Variants in RNF139 observed in about 807,000 individuals in gnomAD.
RNF139 encodes ring finger protein 139.
Under a neutral mutation model 49.5 loss-of-function variants are expected in RNF139, and 15 were observed. The ratio of observed to expected loss-of-function variants is 0.30; its 90% CI spans 0.20 to 0.47. The LOEUF is 0.47. Ranked by LOEUF, RNF139 falls within the 20% of genes least tolerant of loss-of-function variation. The probability of loss-of-function intolerance (pLI) is 1.00; values close to 1 mark genes in which losing one functional copy is unlikely to be tolerated. For missense variants in RNF139, 619 were observed against 806.3 expected (o/e 0.77, Z 2.81); for synonymous variants, 325 against 300.9 (o/e 1.08, Z -0.83).
intron 1 of RNF139, among the ~76,000 whole-genome samples, chr8:124,481,999 C>T (rs1816420294): frequency 1.3e-5 from 2 of 152,062 alleles, no homozygotes; most frequent in Non-Finnish European, 2.9e-5. Flanking sequence ...ACCCCATATA[C>T]CTACAAACTT....
chr8:124,485,601 G>C (rs1465161732), intron 1 of RNF139, among the ~76,000 whole-genome samples: 2 of 150,992 alleles, frequency 1.3e-5, no homozygotes, highest in East Asian at 3.8e-4. Context: ...TTGGAAATTA[G>C]AAAGTAAGGA....
chr8:124,475,034 C>T lies in RNF139; in HGVS notation c.-76C>T. On this transcript the variant is annotated 5_prime_UTR_variant, in exon 1 of 2. Coordinates refer to ENST00000303545, the MANE Select transcript of RNF139 (RefSeq NM_007218.4). The stretch of plus-strand genomic sequence containing the variant: ...GGGCGGAGTTGCCCGCCTTAGCCCC[C>T]GCCCCCGGCCGCGGCCCCGGGCCCT... 2 of 1,051,484 alleles carry T rather than the reference C, an allele frequency of 1.9e-6. No individual in the cohort carries two copies. Among genetic ancestry groups the T allele is most frequent in the South Asian group, 4.4e-5 (1 of 22,934 alleles). The allele number at this position is 1,051,484 out of a possible 1,614,324, so 65.1% of individuals were successfully genotyped here. A position where few individuals can be genotyped will look rare whatever the true frequency, so the allele number is the denominator to read the frequency against.
At chr8:124,479,503 G>A (rs1197505251) in intron 1 of RNF139, among the ~76,000 whole-genome samples, 2 of 152,172 alleles carry the variant, frequency 1.3e-5, no homozygotes, top group African/African-American at 4.8e-5. Context: ...ACTGGCAGAG[G>A]AATAGACAGA....
intron 1 of RNF139, among the ~76,000 whole-genome samples, chr8:124,477,336 A>G (rs537369400): frequency 1.1e-4 from 16 of 152,374 alleles, no homozygotes; most frequent in Admixed American, 9.8e-4. Flanking sequence ...AAATTATGTT[A>G]CTAAAAGACA....
chr8:124,482,965 ATATATT>A (rs1327626611), intron 1 of RNF139, among the ~76,000 whole-genome samples: 1 of 108,734 alleles, frequency 9.2e-6, no homozygotes, highest in Non-Finnish European at 1.8e-5. Context: ...TATAATATAT[ATATATT>A]ATTTAAATAT....
intron 1 of RNF139, among the ~76,000 whole-genome samples, chr8:124,484,903 C>T (rs1365595886): frequency 6.6e-6 from 1 of 151,724 alleles, no homozygotes; most frequent in African/African-American, 2.4e-5. Flanking sequence ...TTTCTAAGTC[C>T]GAAGGAAACT....
In RNF139 at chr8:124,480,809, G is replaced by T. The variant is rs564158204; in HGVS notation, c.182-5022G>T. Among the ~76,000 whole-genome samples the T allele has an allele frequency of 4.6e-5, 7 of 152,170 alleles. No homozygotes were observed. The East Asian group carries it at 1.2e-3, about 25-fold the overall frequency. ...GCCCCCATCCTGAAGCTATCTAGGGGCCCCCAGGCACCAGTCATCTGATTA... is the reference window on the plus strand; with the variant it reads ...GCCCCCATCCTGAAGCTATCTAGGGTCCCCCAGGCACCAGTCATCTGATTA... On this transcript the variant is annotated intron_variant, in intron 1 of 1. Coordinates refer to ENST00000303545, the MANE Select transcript of RNF139 (RefSeq NM_007218.4).
Position 124,486,498 on chromosome 8 carries a change from T to A in RNF139, c.849T>A (p.Ser283Arg). 1.9e-6 allele frequency: 3 copies of A among 1,614,076 alleles called. No homozygotes were observed. The highest frequency in any genetic ancestry group is 2.5e-6 in the Non-Finnish European group (3 of 1,179,994). ...ACCTCATTTGCAATCTTATAATTAGTGGGTGCGATTCTACACTAACTGTAC... is the reference window on the plus strand; with the variant it reads ...ACCTCATTTGCAATCTTATAATTAGAGGGTGCGATTCTACACTAACTGTAC... The part of the protein sequence containing the change: ...FWDLICNLII[S>R]GCDSTLTVLG... Residue 283 changes from serine (S) to arginine (R), a missense_variant, in exon 2 of 2, where the codon AGT (serine) becomes AGA (arginine). Around this residue, in one of 2 missense-constraint regions of RNF139, gnomAD observed 530 missense variants for 728.9 expected, o/e 0.73. Transcript: ENST00000303545.
chr8:124,484,949 G>A (rs1816504191), intron 1 of RNF139, among the ~76,000 whole-genome samples: 1 of 152,182 alleles, frequency 6.6e-6, no homozygotes, highest in Non-Finnish European at 1.5e-5. Flanking sequence ...ACCCTTTGGA[G>A]AATGCTCAGA....
intron 1 of RNF139, among the ~76,000 whole-genome samples, chr8:124,478,368 G>C (rs1816346289): frequency 6.6e-6 from 1 of 151,968 alleles, no homozygotes; most frequent in Non-Finnish European, 1.5e-5. Context: ...TATAATCCCA[G>C]CACTTTGGGA....
At chr8:124,480,904 A>G (rs1563630363) in intron 1 of RNF139, among the ~76,000 whole-genome samples, 2 of 152,260 alleles carry the variant, frequency 1.3e-5, no homozygotes, top group South Asian at 4.1e-4. Flanking sequence ...TGGGACAAAG[A>G]CCAAATATTA....
intron 1 of RNF139, among the ~76,000 whole-genome samples, chr8:124,484,737 G>C (rs1008984178): frequency 6.6e-6 from 1 of 152,112 alleles, no homozygotes; most frequent in East Asian, 1.9e-4. Context: ...AAAGAAAGAT[G>C]GTGTCTATGG....
In RNF139 at chr8:124,486,174, A is replaced by G. The variant is rs747213302; in HGVS notation, c.525A>G (p.Arg175=). 83 of 1,614,098 alleles carry G rather than the reference A, an allele frequency of 5.1e-5. No homozygotes were observed. Among genetic ancestry groups the G allele is most frequent in the Non-Finnish European group, 6.6e-5 (78 of 1,180,044 alleles). Residue 175 remains arginine, a synonymous_variant, in exon 2 of 2, where the codon AGA becomes AGG. Transcript: ENST00000303545. ...GLITELPLHI[R]ETLLFTSSLI... is the part of the protein sequence containing the mutation. ...TCACAGAGCTACCATTACACATCAG[A>G]GAGACTTTACTGTTTACTTCTTCCT...
rs767433355 is a variant in RNF139 at position 124,487,264 on chromosome 8, C to T, written c.1615C>T (p.Arg539Cys). 2.5e-5 allele frequency: 40 copies of T among 1,613,716 alleles called. No individual in the cohort carries two copies. Among genetic ancestry groups the T allele is most frequent in the Non-Finnish European group, 3.0e-5 (35 of 1,179,948 alleles). Residue 539 changes from arginine (R) to cysteine (C), a missense_variant, in exon 2 of 2, where the codon CGC becomes TGC. This residue lies in a region of RNF139 where 530 missense variants were observed against 728.9 expected (regional missense o/e 0.73). Transcript: ENST00000303545. ...TTCACTTCCTGAAATAAAAGGGAGC[C>T]GCTTACAAGAAATAAATGATGTATG... is the stretch of plus-strand genomic sequence containing the variant. ...INSLPEIKGS[R>C]LQEINDVCAI...
chr8:124,479,030 G>C (rs577104937), intron 1 of RNF139, among the ~76,000 whole-genome samples: 1 of 152,232 alleles, frequency 6.6e-6, no homozygotes, highest in African/African-American at 2.4e-5. Flanking sequence ...TGGCCCGGAA[G>C]ACTCTTAATT....
rs1360679838 is a variant in RNF139, at chr8:124,480,165, G to A, written c.181+4875G>A. On this transcript the variant is annotated intron_variant, in intron 1 of 1. Coordinates refer to ENST00000303545, the MANE Select transcript of RNF139 (RefSeq NM_007218.4). ...AAAAAAAAAAAATAGTCATTTCTAA[G>A]TGTATTCTTACCTAGATGTATATGT... Among the ~76,000 whole-genome samples, 5 of 151,402 alleles carry A rather than the reference G, an allele frequency of 3.3e-5. No individual in the cohort carries two copies. In the East Asian group the frequency reaches 8.0e-4, roughly 24 times the overall value.
chr8:124,475,365 G>T (rs1816296876), intron 1 of RNF139, 75 bp downstream of exon 1: 3 of 1,467,240 alleles, frequency 2.0e-6, no homozygotes, highest in South Asian at 1.2e-5. Context: ...GGGCAGGCGC[G>T]CAGAGGCCAT....
In RNF139 at chr8:124,475,106, G is replaced by C. The variant is rs1351611310; in HGVS notation, c.-4G>C. On this transcript the variant is annotated 5_prime_UTR_variant, in exon 1 of 2. Coordinates refer to ENST00000303545, the MANE Select transcript of RNF139 (RefSeq NM_007218.4). Reference sequence around the variant, plus strand: ...CCCACCGAGCCCTGGTGTGGCAGCGGCTCATGGCGGCCGTGGGGCCCCCGC... The same window carrying C: ...CCCACCGAGCCCTGGTGTGGCAGCGCCTCATGGCGGCCGTGGGGCCCCCGC... 6.3e-7 allele frequency: 1 copy of C among 1,581,492 alleles called. No homozygotes were observed. Among genetic ancestry groups the C allele is most frequent in the South Asian group, 1.1e-5 (1 of 89,158 alleles).
Position 124,474,982 on chromosome 8 carries a change from A to T in RNF139, c.-128A>T. 1 of 532,014 alleles carries T rather than the reference A, an allele frequency of 1.9e-6. No homozygotes were observed. The highest frequency in any genetic ancestry group is 2.8e-6 in the Non-Finnish European group (1 of 362,416). 33.0% of individuals were successfully genotyped at this position (532,014 alleles called of 1,614,324 possible). Reference sequence around the variant, plus strand: ...CGAGCGGGCGGCGGGGCTGGCCGTGAGAGAGACAGGAGAGGAAGGAGGGCA... The same window carrying T: ...CGAGCGGGCGGCGGGGCTGGCCGTGTGAGAGACAGGAGAGGAAGGAGGGCA... On this transcript the variant is annotated 5_prime_UTR_variant, in exon 1 of 2. Transcript: ENST00000303545. The surrounding 1 kb of genome is among the most constrained non-coding windows in gnomAD (Gnocchi z 4.6).
Sources: gnomAD v4.1 joint callset for allele counts (sites outside exome capture counted in the v4.1 genomes callset) on GRCh38, gnomAD v4.1.1 for gene constraint, gnomAD v4.1.1 regional missense constraint, Gnocchi (gnomAD v3.1) non-coding constraint, MANE v1.5 for transcripts, NCBI Gene and HGNC (gene_info 2026-07-23, HGNC 2026-07-21) for gene names.